The following ZNF678 variants were observed in gnomAD, a reference collection of about 807,000 sequenced individuals.
ZNF678 encodes hypothetical protein MGC42493.
Under a neutral mutation model 3.0 loss-of-function variants are expected in ZNF678, and 5 were observed. That is an observed-to-expected ratio of 1.69 (90% CI 0.88 to 3.56). ZNF678 has a LOEUF of 3.56. ZNF678 is among the 30% of genes most tolerant of loss of function. The pLI is 0.00. For missense variants in ZNF678, 593 were observed against 605.0 expected (o/e 0.98, Z 0.21); for synonymous variants, 218 against 199.6 (o/e 1.09, Z -0.78).
chr1:227,626,924 T>C (rs1658433742), intron 1 of ZNF678, among the ~76,000 whole-genome samples: 1 of 151,594 alleles, frequency 6.6e-6, no homozygotes, highest in Non-Finnish European at 1.5e-5. Context: ...TATTACCTCA[T>C]GGGCCTGTTC....
intron 1 of ZNF678, among the ~76,000 whole-genome samples, chr1:227,629,338 G>C (rs558097100): frequency 5.3e-5 from 8 of 152,340 alleles, no homozygotes; most frequent in Admixed American, 3.3e-4. Context: ...ACAAATGGGT[G>C]TTCCTTCTCC....
intron 1 of ZNF678, among the ~76,000 whole-genome samples, chr1:227,619,434 T>G (rs1658219336): frequency 6.6e-6 from 1 of 152,188 alleles, no homozygotes; most frequent in African/African-American, 2.4e-5. Flanking sequence ...GGAAATGTTG[T>G]GGGACGGAGC....
At chr1:227,573,855 T>C (rs1656920160) in intron 1 of ZNF678, among the ~76,000 whole-genome samples, 1 of 152,144 alleles carries the variant, frequency 6.6e-6, no homozygotes, top group Admixed American at 6.5e-5. Context: ...CCCAGTGTCT[T>C]TTGTTCCTTT....
chr1:227,619,368 A>G (rs916399077), intron 1 of ZNF678, among the ~76,000 whole-genome samples: 18 of 152,196 alleles, frequency 1.2e-4, no homozygotes, highest in African/African-American at 4.1e-4. Flanking sequence ...ATTTATAGGC[A>G]GTTGCTCGAA....
chr1:227,587,492 A>G (rs1047412352), intron 1 of ZNF678, among the ~76,000 whole-genome samples: 1 of 152,158 alleles, frequency 6.6e-6, no homozygotes. Context: ...ATAATTTTTG[A>G]GAATAGAATA....
intron 1 of ZNF678, among the ~76,000 whole-genome samples, chr1:227,611,171 T>C (rs1658009673): frequency 6.6e-6 from 1 of 152,234 alleles, no homozygotes; most frequent in Non-Finnish European, 1.5e-5. Context: ...CACTGGCTCA[T>C]GATCTGTGTA....
In ZNF678 at chr1:227,646,591, G is replaced by T. The variant is rs1475214594; in HGVS notation, c.-116G>T. The T allele has an allele frequency of 1.5e-6, 2 of 1,372,262 alleles. No homozygotes were observed. The highest frequency in any genetic ancestry group is 9.8e-7 in the Non-Finnish European group (1 of 1,024,602). The allele number at this position is 1,372,262 out of a possible 1,614,324, so 85.0% of individuals were successfully genotyped here. ...TGGTCATAGAATTCTCTCCAGAGGA[G>T]TGGGCATGCCTGGACCCTGCCCAGC... On this transcript the variant is annotated 5_prime_UTR_variant, in exon 2 of 4. Transcript: ENST00000343776.
intron 5 of ZNF678, among the ~76,000 whole-genome samples, chr1:227,668,240 G>C (rs1571927470): frequency 6.6e-6 from 1 of 152,276 alleles, no homozygotes; most frequent in East Asian, 1.9e-4. Context: ...TAATAGTTTA[G>C]CCTGTTGATA....
intron 1 of ZNF678, among the ~76,000 whole-genome samples, chr1:227,579,137 G>GTGCAGCAGC (rs1322669989): frequency 2.6e-5 from 4 of 152,150 alleles, no homozygotes; most frequent in South Asian, 4.2e-4. Flanking sequence ...GGGGGGTGAG[G>GTGCAGCAGC]TGCAGCAGCT....
In ZNF678 at chr1:227,655,040, C is replaced by A. The variant is rs780042880; in HGVS notation, c.790C>A (p.Pro264Thr). Residue 264 changes from proline (P) to threonine (T), a missense_variant, in exon 4 of 4, where the codon CCT becomes ACT. Coordinates refer to ENST00000343776, the MANE Select transcript of ZNF678 (RefSeq NM_001367909.1). ...QHKRIHTGEKPYKCEECGNVF... is the reference protein window; with the variant it reads ...QHKRIHTGEKTYKCEECGNVF... Reference sequence around the variant, plus strand: ...TAAGAGAATTCATACTGGAGAGAAACCTTACAAGTGTGAAGAATGTGGCAA... The same window carrying A: ...TAAGAGAATTCATACTGGAGAGAAAACTTACAAGTGTGAAGAATGTGGCAA... 6.2e-7 allele frequency: 1 copy of A among 1,612,190 alleles called. No individual in the cohort carries two copies. The highest frequency in any genetic ancestry group is 1.7e-5 in the Admixed American group (1 of 59,532).
chr1:227,588,148 C>A (rs1216150265), intron 1 of ZNF678, among the ~76,000 whole-genome samples: 1 of 152,186 alleles, frequency 6.6e-6, no homozygotes, highest in African/African-American at 2.4e-5. Flanking sequence ...CGTGTCCCTG[C>A]AAAGGACATG....
chr1:227,598,008 AGAG>A (rs1657639207), intron 1 of ZNF678, among the ~76,000 whole-genome samples: 1 of 152,232 alleles, frequency 6.6e-6, no homozygotes, highest in Admixed American at 6.5e-5. Flanking sequence ...GCTTCTCTAC[AGAG>A]TAAGGGTTTT....
At chr1:227,587,338 C>T (rs945831869) in intron 1 of ZNF678, among the ~76,000 whole-genome samples, 1 of 150,484 alleles carries the variant, frequency 6.6e-6, no homozygotes, top group African/African-American at 2.4e-5. Flanking sequence ...GGAGGCAAAA[C>T]AAAACAAAAC....
In ZNF678 at chr1:227,655,362, A is replaced by C; in HGVS notation, c.1112A>C (p.His371Pro). ...AACCTCACTCAGCATAAAAGAATTC[A>C]TACTGGAGAGAAACCCTACAAATGC... ...FSNLTQHKRI[H>P]TGEKPYKCKE... Residue 371 changes from histidine to proline, a missense_variant, in exon 4 of 4, where the codon CAT (histidine) becomes CCT (proline). His to Pro is a moderately conservative substitution (Grantham distance 77, BLOSUM62 -2). Transcript: ENST00000343776. 6.2e-7 allele frequency: 1 copy of C among 1,612,806 alleles called. No homozygotes were observed. The highest frequency in any genetic ancestry group is 1.1e-5 in the South Asian group (1 of 90,996).
chr1:227,579,278 A>C (rs1657062595), intron 1 of ZNF678, among the ~76,000 whole-genome samples: 1 of 151,626 alleles, frequency 6.6e-6, no homozygotes, highest in Non-Finnish European at 1.5e-5. Context: ...ATTGTGCTGG[A>C]GGTGGTGTTG....
Position 227,655,260 on chromosome 1 carries a change from G to A in ZNF678, c.1010G>A (p.Ser337Asn), listed in dbSNP as rs201996602. Residue 337 changes from serine (S) to asparagine (N), a missense_variant, in exon 4 of 4, where the codon AGT becomes AAT. Transcript: ENST00000343776. ...ACTTTTAATCGGTGTTCACACCTAAGTAGCCATAAGAGAATTCATACTGGA... is the reference window on the plus strand; with the variant it reads ...ACTTTTAATCGGTGTTCACACCTAAATAGCCATAAGAGAATTCATACTGGA... ...GKTFNRCSHLSSHKRIHTGEK... is the reference protein window; with the variant it reads ...GKTFNRCSHLNSHKRIHTGEK... 7 of 1,596,982 alleles carry A rather than the reference G, an allele frequency of 4.4e-6. No individual in the cohort carries two copies. In the South Asian group the frequency reaches 6.7e-5, roughly 15 times the overall value.
intron 1 of ZNF678, among the ~76,000 whole-genome samples, chr1:227,615,889 A>T (rs1245630101): frequency 6.6e-6 from 1 of 152,174 alleles, no homozygotes; most frequent in Non-Finnish European, 1.5e-5. Context: ...ACCATTGGTA[A>T]GTCTGCCCTT....
intron 1 of ZNF678, among the ~76,000 whole-genome samples, chr1:227,632,673 C>T (rs12081818): frequency 0.22 from 33,453 of 152,002 alleles, 4,129 homozygotes; most frequent in African/African-American, 0.33. Context: ...CCACGCTGAT[C>T]GTTTTTAACC....
chr1:227,563,617 CG>C lies in ZNF678; in HGVS notation c.-268del. On this transcript the variant is annotated 5_prime_UTR_variant, in exon 1 of 4. Transcript: ENST00000343776. ...ATTCTCGGCTATTTATCCCCAGCTG[CG>C]GGAGGCCCTGGTGACTCTGCTGCTG... is the stretch of plus-strand genomic sequence containing the variant. 1 of 1,180,908 alleles carries C rather than the reference CG, an allele frequency of 8.5e-7. No individual in the cohort carries two copies. Among genetic ancestry groups the C allele is most frequent in the Middle Eastern group, 2.2e-4 (1 of 4,458 alleles). 73.2% of individuals were successfully genotyped at this position (1,180,908 alleles called of 1,614,324 possible). A position where few individuals can be genotyped will look rare whatever the true frequency, so the allele number is the denominator to read the frequency against.
Sources: gnomAD v4.1 joint callset for allele counts (sites outside exome capture counted in the v4.1 genomes callset) on GRCh38, gnomAD v4.1.1 for gene constraint, MANE v1.5 for transcripts, NCBI Gene and HGNC (gene_info 2026-07-23, HGNC 2026-07-21) for gene names.